MTA3: variants seen among roughly 807,000 people sequenced by gnomAD.
MTA3 encodes metastasis associated 1 family member 3.
A neutral mutation model predicts 83.5 loss-of-function variants in MTA3; 34 were observed. The ratio of observed to expected loss-of-function variants is 0.41; its 90% CI spans 0.31 to 0.54. The LOEUF is 0.54. Ranked by LOEUF, MTA3 falls within the 20% of genes least tolerant of loss-of-function variation. The pLI is 0.33. For synonymous variants in MTA3, 303 were observed against 252.7 expected (o/e 1.20, Z -1.89); for missense variants, 761 against 726.4 (o/e 1.05, Z -0.55).
intron 16 of MTA3, chr2:42,752,454 T>C: frequency 8.5e-6 from 3 of 354,748 alleles, no homozygotes; most frequent in South Asian, 6.3e-5. Flanking sequence ...CACAACTTTC[T>C]AATACAACAC....
At chr2:42,737,276 G>A (rs2104574681) in intron 16 of MTA3, among the ~76,000 whole-genome samples, 1 of 152,294 alleles carries the variant, frequency 6.6e-6, no homozygotes, top group African/African-American at 2.4e-5. Context: ...AACCCACAGT[G>A]GAAGGGCTTG....
At chr2:42,551,213 C>T (rs143769785) in intron 2 of MTA3, among the ~76,000 whole-genome samples, 101 of 151,506 alleles carry the variant, frequency 6.7e-4, no homozygotes, top group Non-Finnish European at 9.7e-4. Context: ...TTTTTTGAGA[C>T]GAAGTCTTGC....
At chr2:42,667,635 G>GTGT (rs1690397991) in intron 8 of MTA3, among the ~76,000 whole-genome samples, 1 of 149,742 alleles carries the variant, frequency 6.7e-6, no homozygotes, top group Non-Finnish European at 1.5e-5. Flanking sequence ...GAGAGAGAGA[G>GTGT]AGAGAGAGAG....
chr2:42,613,948 A>G (rs1194463740), intron 4 of MTA3: 1 of 152,200 alleles, frequency 6.6e-6, no homozygotes, highest in East Asian at 1.9e-4. Context: ...TCATTTATGC[A>G]CAGTGATTGA....
At chr2:42,511,790 G>A (rs4952828) in intron 2 of MTA3, 59,219 of 151,866 alleles carry the variant, frequency 0.39, 11,692 homozygotes, top group Middle Eastern at 0.49. Flanking sequence ...AGGCTAAGGC[G>A]GGCGGATCAC....
At chr2:42,573,547 G>C (rs973097560) in intron 2 of MTA3, among the ~76,000 whole-genome samples, 1 of 152,140 alleles carries the variant, frequency 6.6e-6, no homozygotes, top group Non-Finnish European at 1.5e-5. Context: ...TTCTTGCTCT[G>C]TTGCCCAGGC....
intron 3 of MTA3, among the ~76,000 whole-genome samples, chr2:42,606,837 G>T (rs1355259008): frequency 2.0e-5 from 3 of 149,420 alleles, no homozygotes; most frequent in Non-Finnish European, 4.4e-5. Context: ...CGGCACCTCG[G>T]GAGGCCGAGG....
At chr2:42,701,048 T>C (rs531716635) in intron 11 of MTA3, among the ~76,000 whole-genome samples, 4 of 152,218 alleles carry the variant, frequency 2.6e-5, no homozygotes, top group African/African-American at 9.6e-5. Flanking sequence ...CAGTGAGTTG[T>C]GATCATGCCA....
exon 2 of MTA3, chr2:42,495,170 C>G (rs1674076169): frequency 6.6e-6 from 1 of 152,548 alleles, no homozygotes; most frequent in South Asian, 2.1e-4. Flanking sequence ...TAGGATTGTC[C>G]GGTGCCCGCT....
intron 2 of MTA3, among the ~76,000 whole-genome samples, chr2:42,534,522 G>A (rs1045483202): frequency 6.6e-6 from 1 of 151,870 alleles, no homozygotes; most frequent in African/African-American, 2.4e-5. Flanking sequence ...GCTTGAACCC[G>A]GGAGGCAGAG....
chr2:42,681,929 A>T (rs758376625), intron 8 of MTA3, among the ~76,000 whole-genome samples: 13 of 152,056 alleles, frequency 8.5e-5, no homozygotes, highest in South Asian at 2.1e-4. Flanking sequence ...TAAATAAAAA[A>T]AAATAAAAAT....
chr2:42,678,671 A>G (rs1378209141), intron 8 of MTA3, among the ~76,000 whole-genome samples: 2 of 152,170 alleles, frequency 1.3e-5, no homozygotes, highest in African/African-American at 4.8e-5. Flanking sequence ...TTGTTAAAGC[A>G]GTTATTTACT....
chr2:42,625,574 G>A (rs988412418), intron 4 of MTA3, among the ~76,000 whole-genome samples: 1 of 149,636 alleles, frequency 6.7e-6, no homozygotes, highest in Non-Finnish European at 1.5e-5. Flanking sequence ...GTGAAACCCC[G>A]TCTCTACTAA....
chr2:42,649,594 T>A (rs764522672), intron 6 of MTA3, among the ~76,000 whole-genome samples: 3 of 152,166 alleles, frequency 2.0e-5, no homozygotes, highest in Non-Finnish European at 4.4e-5. Flanking sequence ...TCCCCAGCAA[T>A]AAGGGAAACA....
intron 12 of MTA3, among the ~76,000 whole-genome samples, chr2:42,707,419 G>T (rs188716249): frequency 2.2e-4 from 33 of 151,676 alleles, no homozygotes; most frequent in Admixed American, 1.9e-3. Context: ...AATTTTTTTT[G>T]TGTGTTTTCA....
At chr2:42,653,079 A>G (rs1371974861) in intron 6 of MTA3, among the ~76,000 whole-genome samples, 1 of 152,252 alleles carries the variant, frequency 6.6e-6, no homozygotes, top group Admixed American at 6.5e-5. Flanking sequence ...ATTTAAAAAT[A>G]TAACTGGAGG....
intron 4 of MTA3, among the ~76,000 whole-genome samples, chr2:42,628,271 C>T (rs1224680420): frequency 6.7e-6 from 1 of 148,922 alleles, no homozygotes; most frequent in Non-Finnish European, 1.5e-5. Context: ...GCTCTTGTCA[C>T]CCAGACTGGA....
intron 4 of MTA3, among the ~76,000 whole-genome samples, chr2:42,629,939 C>G (rs557502793): frequency 6.6e-6 from 1 of 152,036 alleles, no homozygotes; most frequent in African/African-American, 2.4e-5. Context: ...TCACCACACC[C>G]GGCTAACTTT....
intron 9 of MTA3, among the ~76,000 whole-genome samples, chr2:42,683,514 C>G (rs1225396777): frequency 6.6e-6 from 1 of 152,076 alleles, no homozygotes; most frequent in East Asian, 1.9e-4. Context: ...GTTTATTGTG[C>G]ACTTCATTTC....
Sources: allele counts gnomAD v4.1 joint callset (sites outside exome capture counted in the v4.1 genomes callset), GRCh38; gene constraint gnomAD v4.1.1; transcripts MANE v1.5; gene names NCBI Gene and HGNC (gene_info 2026-07-23, HGNC 2026-07-21).